CALN1: variants seen among roughly 807,000 people sequenced by gnomAD.
CALN1 encodes the protein calcium-binding protein 8.
A neutral mutation model predicts 30.6 loss-of-function variants in CALN1; 17 were observed. The ratio of observed to expected loss-of-function variants is 0.56; its 90% CI spans 0.38 to 0.83. The LOEUF (loss-of-function observed/expected upper bound fraction) is 0.83. CALN1 is among the 40% of genes least tolerant of loss of function. The pLI, the probability that CALN1 is intolerant of heterozygous loss-of-function variation, is 0.00. For missense variants in CALN1, 291 were observed against 354.9 expected (o/e 0.82, Z 1.45); for synonymous variants, 156 against 131.4 (o/e 1.19, Z -1.28).
the CALN1 span, among the ~76,000 whole-genome samples, chr7:72,495,400 G>T: frequency 6.6e-6 from 1 of 152,156 alleles, no homozygotes; most frequent in Non-Finnish European, 1.5e-5. Context: ...GTTAAAAATA[G>T]CAACCACGGT....
intron 4 of CALN1, among the ~76,000 whole-genome samples, chr7:72,049,361 AT>A (rs894386734): frequency 3.9e-5 from 6 of 152,112 alleles, no homozygotes; most frequent in South Asian, 2.1e-4. Flanking sequence ...GTAATGAGAC[AT>A]TTTTTTTGGA....
chr7:72,182,975 G>A (rs1195171990), intron 3 of CALN1, among the ~76,000 whole-genome samples: 1 of 152,124 alleles, frequency 6.6e-6, no homozygotes. Context: ...GTCTACGTGT[G>A]GTCAACACCA....
At chr7:72,116,241 G>A (rs1004114005) in intron 3 of CALN1, among the ~76,000 whole-genome samples, 1 of 152,134 alleles carries the variant, frequency 6.6e-6, no homozygotes, top group South Asian at 2.1e-4. Flanking sequence ...CAGTCCTGAA[G>A]GCACTTCCTG....
chr7:72,066,048 C>T (rs530165013), intron 4 of CALN1, among the ~76,000 whole-genome samples: 1 of 152,364 alleles, frequency 6.6e-6, no homozygotes, highest in South Asian at 2.1e-4. Flanking sequence ...AAGCTCAAGT[C>T]TGTCACCTGC....
intron 4 of CALN1, among the ~76,000 whole-genome samples, chr7:72,044,041 C>T (rs1029810718): frequency 6.6e-6 from 1 of 151,886 alleles, no homozygotes; most frequent in African/African-American, 2.4e-5. Context: ...CCCACCCCCA[C>T]CATGATTCAA....
intron 2 of CALN1, among the ~76,000 whole-genome samples, chr7:72,316,328 C>T (rs893373439): frequency 1.3e-4 from 18 of 143,144 alleles, no homozygotes; most frequent in Admixed American, 2.8e-4. Flanking sequence ...AAAGTAATTA[C>T]GGTTTTTGCC....
chr7:72,081,406 G>GGT (rs1554434301), intron 4 of CALN1, among the ~76,000 whole-genome samples: 8 of 35,424 alleles, frequency 2.3e-4, no homozygotes, highest in African/African-American at 3.3e-4. Context: ...AAAATCATAG[G>GGT]GTGTGTGTGT....
chr7:72,133,597 G>A (rs142828237), intron 3 of CALN1, among the ~76,000 whole-genome samples: 1 of 152,286 alleles, frequency 6.6e-6, no homozygotes, highest in Non-Finnish European at 1.5e-5. Flanking sequence ...GACGATTATG[G>A]ATATTCATAT....
chr7:71,845,011 C>G lies in CALN1; in HGVS notation c.502-34519G>C, dbSNP rs570796673. On this transcript the variant is annotated intron_variant, in intron 5 of 6. Transcript: ENST00000395275. Reference sequence around the variant, plus strand: ...TTCAAGCAGTACCTCAGCCTCCCAACTAGCTGGGATTACAGGCATGTGCCA... The same window carrying G: ...TTCAAGCAGTACCTCAGCCTCCCAAGTAGCTGGGATTACAGGCATGTGCCA... Among the ~76,000 whole-genome samples, 17 of 152,186 alleles carry G rather than the reference C, an allele frequency of 1.1e-4. No homozygotes were observed. The South Asian group carries it at 3.1e-3, about 28-fold the overall frequency.
intron 5 of CALN1, among the ~76,000 whole-genome samples, chr7:71,878,993 G>T (rs372516242): frequency 6.6e-6 from 1 of 152,170 alleles, no homozygotes; most frequent in Non-Finnish European, 1.5e-5. Context: ...CAGTTTTGAC[G>T]ATGGCAGTGA....
intron 3 of CALN1, among the ~76,000 whole-genome samples, chr7:72,209,721 A>G (rs987852862): frequency 3.9e-5 from 6 of 152,136 alleles, no homozygotes; most frequent in African/African-American, 1.4e-4. Flanking sequence ...CCCAGCCCTA[A>G]GCATCCATTA....
chr7:72,443,197 C>T (rs1808412864), intron 1 of CALN1, among the ~76,000 whole-genome samples: 1 of 152,172 alleles, frequency 6.6e-6, no homozygotes, highest in Non-Finnish European at 1.5e-5. Flanking sequence ...GTACAATTTA[C>T]CTTTCGTGAC....
intron 5 of CALN1, among the ~76,000 whole-genome samples, chr7:71,912,129 G>A (rs186259366): frequency 9.2e-5 from 14 of 152,106 alleles, no homozygotes; most frequent in African/African-American, 2.7e-4. Context: ...ACTTTAAAGC[G>A]GACCTCAGTG....
chr7:72,121,767 G>T (rs1348408914), intron 3 of CALN1, among the ~76,000 whole-genome samples: 2 of 148,080 alleles, frequency 1.4e-5, no homozygotes, highest in African/African-American at 4.9e-5. Flanking sequence ...TTATCATAAT[G>T]ATTATTATAA....
intron 2 of CALN1, among the ~76,000 whole-genome samples, chr7:72,301,224 A>C (rs1420124874): frequency 6.6e-6 from 1 of 152,118 alleles, no homozygotes; most frequent in African/African-American, 2.4e-5. Context: ...TAAGATCTGG[A>C]CTGGAGACAG....
chr7:72,354,507 G>A (rs145253149), intron 2 of CALN1, among the ~76,000 whole-genome samples: 2,284 of 152,206 alleles, frequency 0.015, 24 homozygotes, highest in Non-Finnish European at 0.023. Flanking sequence ...TTTTTTCAGA[G>A]AAGTTGGAAA....
intron 3 of CALN1, among the ~76,000 whole-genome samples, chr7:72,157,689 G>T (rs1436737577): frequency 6.6e-6 from 1 of 152,156 alleles, no homozygotes; most frequent in Non-Finnish European, 1.5e-5. Flanking sequence ...CAGAAGATAT[G>T]AATTCACCTC....
upstream of CALN1, chr7:72,412,344 C>CG (rs1554404555): frequency 6.6e-6 from 1 of 152,166 alleles, no homozygotes; most frequent in Non-Finnish European, 1.5e-5. Flanking sequence ...GCTTCCCCAG[C>CG]GGGCTCGGGG....
Position 71,784,648 on chromosome 7 carries a change from G to A in CALN1, c.*3127C>T, listed in dbSNP as rs563234208. 1.0e-5 allele frequency: 4 copies of A among 395,610 alleles called. No homozygotes were observed. Among genetic ancestry groups the A allele is most frequent in the Non-Finnish European group, 1.3e-5 (3 of 224,842 alleles). 24.5% of individuals were successfully genotyped at this position (395,610 alleles called of 1,614,324 possible). ...CTTGTGCTTTCCAGGGGGGCGGCGG[G>A]GGGTACCTGCTCTTGCAGCAAGAAT... On this transcript the variant is annotated 3_prime_UTR_variant, in exon 7 of 7. Coordinates refer to ENST00000395275, the MANE Select transcript of CALN1 (RefSeq NM_031468.4).
Sources: gnomAD v4.1 joint callset for allele counts (sites outside exome capture counted in the v4.1 genomes callset) on GRCh38, gnomAD v4.1.1 for gene constraint, MANE v1.5 for transcripts, NCBI Gene and HGNC (gene_info 2026-07-23, HGNC 2026-07-21) for gene names.